Variants in NELL1 observed in about 807,000 individuals in gnomAD.
NELL1 encodes the protein protein kinase C-binding protein NELL1.
NELL1 carries 76 observed loss-of-function variants against 107.4 expected under a neutral mutation model. That is an observed-to-expected ratio of 0.71 (90% confidence interval 0.59 to 0.86). The LOEUF is 0.86. Among genes scored for constraint, NELL1 ranks in the 40% least tolerant of loss-of-function variants. The pLI is 0.00. For synonymous variants in NELL1, 353 were observed against 341.2 expected, an observed-to-expected ratio of 1.03 and a Z score of -0.38; for missense variants, 1,024 against 1,005.5, an observed-to-expected ratio of 1.02 and a Z score of -0.25.
intron 13 of NELL1, among the ~76,000 whole-genome samples, chr11:21,139,470 CCT>C (rs1394588514): frequency 6.6e-6 from 1 of 152,212 alleles, no homozygotes; most frequent in African/African-American, 2.4e-5. Flanking sequence ...CTTGCTTTCT[CCT>C]CTCTCTGTTA....
intron 12 of NELL1, among the ~76,000 whole-genome samples, chr11:21,102,000 T>C (rs1854829998): frequency 6.6e-6 from 1 of 152,066 alleles, no homozygotes; most frequent in African/African-American, 2.4e-5. Context: ...TTACAGGTGC[T>C]TGCCACTGTG....
intron 4 of NELL1, among the ~76,000 whole-genome samples, chr11:20,847,965 C>G (rs528758589): frequency 6.6e-5 from 10 of 152,102 alleles, no homozygotes; most frequent in Admixed American, 4.6e-4. Flanking sequence ...AACTGTATCC[C>G]GTGATTAGGA....
chr11:21,006,176 G>A (rs1852323819), intron 12 of NELL1, among the ~76,000 whole-genome samples: 1 of 152,026 alleles, frequency 6.6e-6, no homozygotes, highest in Non-Finnish European at 1.5e-5. Context: ...TGTGTTGAAA[G>A]CTTAATCCCC....
intron 14 of NELL1, among the ~76,000 whole-genome samples, chr11:21,344,371 A>C (rs1011221703): frequency 2.6e-5 from 4 of 152,202 alleles, no homozygotes; most frequent in African/African-American, 9.7e-5. Flanking sequence ...TGTCAGTCAT[A>C]CATGTGGGCA....
intron 13 of NELL1, among the ~76,000 whole-genome samples, chr11:21,207,765 T>C (rs1857420067): frequency 6.6e-6 from 1 of 152,174 alleles, no homozygotes; most frequent in Admixed American, 6.5e-5. Flanking sequence ...ACACACCAAC[T>C]GGACCACAAA....
intron 16 of NELL1, among the ~76,000 whole-genome samples, chr11:21,545,761 C>T (rs561898366): frequency 2.6e-5 from 4 of 152,096 alleles, no homozygotes; most frequent in African/African-American, 9.6e-5. Flanking sequence ...GATCCTATTA[C>T]TTCCTGTGAA....
chr11:21,466,222 G>C (rs1207600239), intron 15 of NELL1, among the ~76,000 whole-genome samples: 2 of 152,120 alleles, frequency 1.3e-5, no homozygotes, highest in African/African-American at 4.8e-5. Context: ...CTGAAGCCCT[G>C]GTGACAGGGC....
At chr11:21,329,364 A>G (rs528984712) in intron 14 of NELL1, among the ~76,000 whole-genome samples, 6 of 152,114 alleles carry the variant, frequency 3.9e-5, no homozygotes, top group Non-Finnish European at 7.3e-5. Context: ...CCATGGTTGT[A>G]AGTTTCATGA....
intron 15 of NELL1, among the ~76,000 whole-genome samples, chr11:21,436,476 T>C (rs1180316030): frequency 6.6e-6 from 1 of 152,204 alleles, no homozygotes; most frequent in African/African-American, 2.4e-5. Context: ...TTTTCTATAG[T>C]ATCATTTGTA....
chr11:21,420,923 G>A (rs1213570924), intron 15 of NELL1, among the ~76,000 whole-genome samples: 1 of 151,938 alleles, frequency 6.6e-6, no homozygotes, highest in Non-Finnish European at 1.5e-5. Context: ...AGACCCTTAG[G>A]TACTAGAATT....
intron 12 of NELL1, among the ~76,000 whole-genome samples, chr11:21,089,638 C>T (rs991887693): frequency 2.0e-5 from 3 of 152,154 alleles, no homozygotes; most frequent in Admixed American, 2.0e-4. Context: ...TTTGTTTCTG[C>T]AAGCTGCAAA....
chr11:21,429,224 G>A (rs761644079), intron 15 of NELL1, among the ~76,000 whole-genome samples: 12 of 152,084 alleles, frequency 7.9e-5, no homozygotes, highest in Admixed American at 5.9e-4. Context: ...TAAAACACTT[G>A]AAATTAAACT....
chr11:20,936,476 T>A (rs991015704), intron 9 of NELL1, among the ~76,000 whole-genome samples: 1 of 152,186 alleles, frequency 6.6e-6, no homozygotes, highest in Non-Finnish European at 1.5e-5. Flanking sequence ...ACTAGATGAC[T>A]ACTGTTTGTT....
intron 13 of NELL1, among the ~76,000 whole-genome samples, chr11:21,162,704 C>T (rs957247343): frequency 4.6e-5 from 7 of 152,036 alleles, no homozygotes; most frequent in East Asian, 1.9e-4. Context: ...GAATTATTGG[C>T]GGTGATGGGG....
At chr11:20,891,103 A>G (rs1356075651) in intron 5 of NELL1, among the ~76,000 whole-genome samples, 1 of 152,218 alleles carries the variant, frequency 6.6e-6, no homozygotes, top group Admixed American at 6.5e-5. Context: ...TGTTAAGGGC[A>G]GCCAGAGAGA....
rs1296265416 is a variant in NELL1, at chr11:21,534,411, C to T, written c.1683C>T (p.His561=). The T allele has an allele frequency of 1.2e-6, 2 of 1,613,776 alleles. No individual in the cohort carries two copies. Among genetic ancestry groups the T allele is most frequent in the African/African-American group, 2.7e-5 (2 of 74,918 alleles). Residue 561 remains histidine, a synonymous_variant, in exon 16 of 20, where the codon CAC becomes CAT. Coordinates refer to ENST00000357134, the MANE Select transcript of NELL1 (RefSeq NM_006157.5). Reference sequence around the variant, plus strand: ...GTTCAGAGGGAATCATTGAGTGCCACAACCATTCCCGCTGCGTTAACCTGC... The same window carrying T: ...GTTCAGAGGGAATCATTGAGTGCCATAACCATTCCCGCTGCGTTAACCTGC... ...DECSEGIIEC[H]NHSRCVNLPG...
At chr11:21,425,572 G>A (rs1852799967) in intron 15 of NELL1, among the ~76,000 whole-genome samples, 2 of 152,082 alleles carry the variant, frequency 1.3e-5, no homozygotes, top group Admixed American at 1.3e-4. Context: ...TGCTAGAAAG[G>A]GTAGTGAACC....
chr11:21,419,109 G>T (rs185560067), intron 15 of NELL1, among the ~76,000 whole-genome samples: 2 of 152,042 alleles, frequency 1.3e-5, no homozygotes, highest in African/African-American at 4.8e-5. Context: ...AAAATTGGGG[G>T]CTGTGTTCCT....
chr11:20,749,887 C>T (rs1302608391), intron 2 of NELL1, among the ~76,000 whole-genome samples: 2 of 152,082 alleles, frequency 1.3e-5, no homozygotes, highest in African/African-American at 4.8e-5. Context: ...AGCCATGTTG[C>T]ATATATCAGT....
Sources: gnomAD v4.1 joint callset for allele counts (sites outside exome capture counted in the v4.1 genomes callset) on GRCh38, gnomAD v4.1.1 for gene constraint, MANE v1.5 for transcripts, NCBI Gene and HGNC (gene_info 2026-07-23, HGNC 2026-07-21) for gene names.